The following PTPRT variants were observed in gnomAD, a reference collection of about 807,000 sequenced individuals.
PTPRT encodes protein tyrosine phosphatase receptor type T.
In PTPRT, 56 loss-of-function variants were observed where a neutral mutation model predicts 176.8. The observed-to-expected ratio is 0.32, with a 90% CI of 0.26 to 0.40. The LOEUF (loss-of-function observed/expected upper bound fraction) is 0.40. PTPRT is among the 10% of genes least tolerant of loss of function. The pLI is 1.00. For synonymous variants in PTPRT, 783 were observed against 739.0 expected, an observed-to-expected ratio of 1.06 and a Z score of -0.96; for missense variants, 1,540 against 1,908.2, an observed-to-expected ratio of 0.81 and a Z score of 3.60.
rs139599594 is a variant in PTPRT at position 42,932,196 on chromosome 20, G to A, written c.89-46264C>T. ...GCCCCATCCCTGAGGTGCCAAAGAC[G>A]TAGGTTAGAACTGTGGATCAGGGCT... On this transcript the variant is annotated intron_variant, in intron 1 of 30. Coordinates refer to ENST00000373187, the MANE Select transcript of PTPRT (RefSeq NM_007050.6). 6.6e-5 allele frequency among the ~76,000 whole-genome samples: 10 copies of A among 152,348 alleles called. No individual in the cohort carries two copies. In the East Asian group the frequency reaches 1.2e-3, roughly 18 times the overall value.
chr20:42,795,241 T>C (rs972459176), intron 2 of PTPRT, among the ~76,000 whole-genome samples: 2 of 152,152 alleles, frequency 1.3e-5, no homozygotes, highest in Non-Finnish European at 2.9e-5. Context: ...AGTTTCCTCA[T>C]AGTTATTATA....
intron 7 of PTPRT, among the ~76,000 whole-genome samples, chr20:42,528,809 A>G (rs2072325113): frequency 6.6e-6 from 1 of 152,240 alleles, no homozygotes; most frequent in Non-Finnish European, 1.5e-5. Flanking sequence ...GCTTAATCTT[A>G]GATATCTCTA....
intron 1 of PTPRT, among the ~76,000 whole-genome samples, chr20:43,091,214 C>T (rs527252805): frequency 1.3e-5 from 2 of 151,818 alleles, no homozygotes; most frequent in African/African-American, 2.4e-5. Context: ...GCCTGGGCGA[C>T]GGAGATTCCA....
chr20:42,169,743 AAC>A (rs56329932), intron 16 of PTPRT, among the ~76,000 whole-genome samples: 6,053 of 104,518 alleles, frequency 0.058, 168 homozygotes, highest in Middle Eastern at 0.079. Context: ...ACAATTTTCA[AAC>A]ACACACACAC....
At chr20:42,399,919 G>C (rs1042352033) in intron 9 of PTPRT, among the ~76,000 whole-genome samples, 1 of 152,164 alleles carries the variant, frequency 6.6e-6, no homozygotes, top group African/African-American at 2.4e-5. Flanking sequence ...ATCATCTTTT[G>C]TAAATTGAGG....
chr20:42,719,020 G>A (rs537988051), intron 6 of PTPRT, among the ~76,000 whole-genome samples: 16 of 152,308 alleles, frequency 1.1e-4, no homozygotes, highest in Admixed American at 7.2e-4. Flanking sequence ...GGAGTAGGGC[G>A]AGGACTGAGG....
chr20:42,112,519 A>G (rs1987057140), intron 22 of PTPRT, among the ~76,000 whole-genome samples: 1 of 151,944 alleles, frequency 6.6e-6, no homozygotes, highest in Non-Finnish European at 1.5e-5. Flanking sequence ...TTCTGGGAAA[A>G]ACAGAAATTT....
At chr20:42,252,430 A>G (rs930975510) in intron 13 of PTPRT, among the ~76,000 whole-genome samples, 2 of 152,222 alleles carry the variant, frequency 1.3e-5, no homozygotes, top group African/African-American at 4.8e-5. Context: ...AAGGAGAAAC[A>G]GACCTAGAAT....
intron 16 of PTPRT, among the ~76,000 whole-genome samples, chr20:42,175,120 G>A (rs537544378): frequency 6.6e-6 from 1 of 152,128 alleles, no homozygotes; most frequent in South Asian, 2.1e-4. Context: ...CCAAAATAAG[G>A]CATGAGAACT....
chr20:43,060,371 G>T (rs961871946), intron 1 of PTPRT, among the ~76,000 whole-genome samples: 1 of 152,112 alleles, frequency 6.6e-6, no homozygotes, highest in African/African-American at 2.4e-5. Flanking sequence ...GAGGGACAAG[G>T]GGGCTTTCTG....
chr20:42,797,133 A>C (rs572082654), intron 2 of PTPRT, among the ~76,000 whole-genome samples: 2 of 152,276 alleles, frequency 1.3e-5, no homozygotes, highest in African/African-American at 2.4e-5. Context: ...ATCCACTGAG[A>C]GGCAGAGTAA....
chr20:42,834,737 C>T (rs892125990), intron 2 of PTPRT, among the ~76,000 whole-genome samples: 1 of 152,058 alleles, frequency 6.6e-6, no homozygotes, highest in Non-Finnish European at 1.5e-5. Context: ...CTTTGGAGGG[C>T]TGAATCTCTT....
chr20:42,956,176 T>C (rs1307585938), intron 1 of PTPRT, among the ~76,000 whole-genome samples: 1 of 152,158 alleles, frequency 6.6e-6, no homozygotes, highest in Non-Finnish European at 1.5e-5. Flanking sequence ...CCAAGCATTG[T>C]CTGCCCAAAC....
At chr20:42,842,329 A>G (rs2078292925) in intron 2 of PTPRT, among the ~76,000 whole-genome samples, 1 of 152,248 alleles carries the variant, frequency 6.6e-6, no homozygotes, top group African/African-American at 2.4e-5. Flanking sequence ...GGAGCTGAGT[A>G]GCTACACTCT....
chr20:42,786,745 C>G lies in PTPRT; in HGVS notation c.486+4450G>C, dbSNP rs552533198. On this transcript the variant is annotated intron_variant, in intron 3 of 30. Coordinates refer to ENST00000373187, the MANE Select transcript of PTPRT (RefSeq NM_007050.6). ...GTGTCTGGTCCTATATATGGGGTTTCTAATTGAAACCTTAAAGGCTCACTG... is the reference window on the plus strand; with the variant it reads ...GTGTCTGGTCCTATATATGGGGTTTGTAATTGAAACCTTAAAGGCTCACTG... Among the ~76,000 whole-genome samples the G allele has an allele frequency of 3.9e-5, 6 of 152,284 alleles. 1 individual carries two copies. The South Asian group carries it at 1.2e-3, about 32-fold the overall frequency.
At chr20:42,653,128 C>T (rs542848477) in intron 7 of PTPRT, among the ~76,000 whole-genome samples, 10 of 152,242 alleles carry the variant, frequency 6.6e-5, no homozygotes, top group East Asian at 5.8e-4. Context: ...ACCATAGAGG[C>T]GGTTACCCCC....
intron 16 of PTPRT, among the ~76,000 whole-genome samples, chr20:42,184,614 T>TCTTCTTCTTCTTCTTCTTCTCCTCCTC (rs1990692690): frequency 7.0e-6 from 1 of 142,570 alleles, no homozygotes; most frequent in African/African-American, 2.8e-5. Context: ...TTCTTCTTCT[T>TCTTCTTCTTCTTCTTCTTCTCCTCCTC]CTCCTCCTTC....
At chr20:42,393,871 T>C (rs528406543) in intron 9 of PTPRT, among the ~76,000 whole-genome samples, 2 of 152,136 alleles carry the variant, frequency 1.3e-5, no homozygotes, top group Non-Finnish European at 2.9e-5. Flanking sequence ...TTCGCAAGCG[T>C]TGGGTGAGTA....
Position 42,448,120 on chromosome 20 carries a change from T to C in PTPRT, c.1560+100A>G, listed in dbSNP as rs1288937061. 3.3e-6 allele frequency: 3 copies of C among 920,998 alleles called. No homozygotes were observed. In the African/African-American group the frequency reaches 4.9e-5, roughly 15 times the overall value. 57.1% of individuals were successfully genotyped at this position (920,998 alleles called of 1,614,324 possible). Reference sequence around the variant, plus strand: ...AACCTTTTGGTATGTCTCATCTTACTCACCTTTATACGTTCAGCAGAATGG... The same window carrying C: ...AACCTTTTGGTATGTCTCATCTTACCCACCTTTATACGTTCAGCAGAATGG... On this transcript the variant is annotated intron_variant, in intron 9 of 30. Transcript: ENST00000373187.
Sources: allele counts gnomAD v4.1 joint callset (sites outside exome capture counted in the v4.1 genomes callset), GRCh38; gene constraint gnomAD v4.1.1; transcripts MANE v1.5; gene names NCBI Gene and HGNC (gene_info 2026-07-23, HGNC 2026-07-21).